Variants in BAZ2B observed in about 807,000 individuals in gnomAD.
The protein encoded by BAZ2B is bromodomain adjacent to zinc finger domain 2B.
Under a neutral mutation model 246.0 loss-of-function variants are expected in BAZ2B, and 91 were observed. The observed-to-expected ratio is 0.37, with a 90% CI of 0.31 to 0.44. The LOEUF is 0.44. Among genes scored for constraint, BAZ2B ranks in the 20% least tolerant of loss-of-function variants. The pLI, the probability that BAZ2B is intolerant of heterozygous loss-of-function variation, is 1.00. For missense variants in BAZ2B, 2,332 were observed against 2,533.7 expected (o/e 0.92, Z 1.71); for synonymous variants, 855 against 860.0 (o/e 0.99, Z 0.10).
intron 19 of BAZ2B, chr2:159,396,961 G>T: frequency 2.6e-6 from 2 of 780,016 alleles, no homozygotes; most frequent in Non-Finnish European, 3.7e-6. Flanking sequence ...AAGCCATGCA[G>T]CAGTATGTAA....
chr2:159,532,402 CAAAT>C (rs1241568402), intron 2 of BAZ2B, among the ~76,000 whole-genome samples: 1 of 152,004 alleles, frequency 6.6e-6, no homozygotes, highest in Non-Finnish European at 1.5e-5. Flanking sequence ...TGTTCTCTAC[CAAAT>C]AAATAAAAAA....
chr2:159,462,952 A>T, intron 3 of BAZ2B: 2 of 1,112,760 alleles, frequency 1.8e-6, no homozygotes, highest in Non-Finnish European at 2.8e-6. Flanking sequence ...GCTTTTTTCT[A>T]TAAGTGATCA....
In BAZ2B at chr2:159,332,598, C is replaced by A. The variant is rs770088268; in HGVS notation, c.5885G>T (p.Arg1962Ile). The change falls in exon 34 of 37, where the codon AGA becomes ATA. Residue 1962 changes from arginine to isoleucine, a missense_variant. By Grantham distance (97) the Arg-to-Ile change is moderately conservative. This residue lies in a region of BAZ2B where 210 missense variants were observed against 232.5 expected (regional missense o/e 0.90). Transcript: ENST00000392783. The stretch of plus-strand genomic sequence containing the variant: ...ATCTGGGATTGTTGTAATCTTGGGT[C>A]TATGGCAGTAGGTATGACAGCCTTT... Reference protein sequence around the residue: ...CDKGCHTYCHRPKITTIPDGD... With the variant: ...CDKGCHTYCHIPKITTIPDGD... The A allele has an allele frequency of 1.5e-5, 24 of 1,613,958 alleles. No individual in the cohort carries two copies. The highest frequency in any genetic ancestry group is 1.6e-4 in the Middle Eastern group (1 of 6,084).
chr2:159,549,713 T>C (rs1284967797), intron 2 of BAZ2B, among the ~76,000 whole-genome samples: 3 of 151,670 alleles, frequency 2.0e-5, no homozygotes, highest in Non-Finnish European at 2.9e-5. Flanking sequence ...AGGCCACAGG[T>C]TGGACAAGCT....
intron 31 of BAZ2B, among the ~76,000 whole-genome samples, chr2:159,342,567 T>G (rs1048314201): frequency 4.6e-5 from 7 of 152,328 alleles, no homozygotes; most frequent in Admixed American, 3.9e-4. Flanking sequence ...ATTACAGGCA[T>G]GAGCCACTGT....
At chr2:159,328,773 T>A (rs2064166394) in intron 34 of BAZ2B, among the ~76,000 whole-genome samples, 1 of 152,286 alleles carries the variant, frequency 6.6e-6, no homozygotes, top group African/African-American at 2.4e-5. Flanking sequence ...TATATTCATA[T>A]AAGTGGCCCT....
rs1576401934 is a variant in BAZ2B at position 159,386,364 on chromosome 2, T to C, written c.3460A>G (p.Thr1154Ala). The C allele has an allele frequency of 1.9e-6, 3 of 1,610,474 alleles. No individual in the cohort carries two copies. Among genetic ancestry groups the C allele is most frequent in the South Asian group, 1.1e-5 (1 of 90,308 alleles). The change falls in exon 22 of 37, where the codon ACA becomes GCA. Residue 1154 changes from threonine to alanine, a missense_variant. Thr to Ala is a moderately conservative substitution (Grantham distance 58). Coordinates refer to ENST00000392783, the MANE Select transcript of BAZ2B (RefSeq NM_013450.4). ...TTGTTTTTTTTTACCTTGTATCCTGTTATTAGACCTGGATCACATACAGCA... is the reference window on the plus strand; with the variant it reads ...TTGTTTTTTTTTACCTTGTATCCTGCTATTAGACCTGGATCACATACAGCA... ...SAAVCDPGLI[T>A]GYKAKTALGE... is the part of the protein sequence containing the mutation.
chr2:159,644,581 T>C, the BAZ2B span, among the ~76,000 whole-genome samples: 2 of 152,346 alleles, frequency 1.3e-5, no homozygotes, highest in East Asian at 1.9e-4. Context: ...TCCTTGAGAA[T>C]AGTGCACATT....
At chr2:159,480,201 T>C (rs555988224) in intron 2 of BAZ2B, among the ~76,000 whole-genome samples, 10 of 152,220 alleles carry the variant, frequency 6.6e-5, no homozygotes, top group African/African-American at 1.7e-4. Context: ...TTATAGCTGG[T>C]AACCTCATTG....
chr2:159,369,059 A>G (rs1444146526), intron 27 of BAZ2B, among the ~76,000 whole-genome samples: 1 of 152,166 alleles, frequency 6.6e-6, no homozygotes. Context: ...AGGAAATAGT[A>G]TATATATTAA....
chr2:159,386,744 C>A, intron 21 of BAZ2B, 137 bp from the exon 22 acceptor site: 2 of 1,017,954 alleles, frequency 2.0e-6, no homozygotes, highest in Non-Finnish European at 2.8e-6. Flanking sequence ...CTTTGGGATG[C>A]TAAATTCTCT....
the BAZ2B span, among the ~76,000 whole-genome samples, chr2:159,672,211 A>G: frequency 2.0e-5 from 3 of 152,242 alleles, no homozygotes; most frequent in East Asian, 3.8e-4. Flanking sequence ...CTTATAATCA[A>G]TTGAGACAAT....
At chr2:159,541,309 C>T (rs923059114) in intron 2 of BAZ2B, among the ~76,000 whole-genome samples, 5 of 151,430 alleles carry the variant, frequency 3.3e-5, no homozygotes, top group South Asian at 2.1e-4. Flanking sequence ...GATGGAGTCT[C>T]GCTCCGTTGC....
the BAZ2B span, among the ~76,000 whole-genome samples, chr2:159,671,196 CT>C: frequency 6.6e-6 from 1 of 152,174 alleles, no homozygotes; most frequent in African/African-American, 2.4e-5. Flanking sequence ...CTGGTCCTCC[CT>C]TACTGCCTAC....
intron 13 of BAZ2B, among the ~76,000 whole-genome samples, chr2:159,413,781 G>A (rs1267952456): frequency 6.6e-6 from 1 of 152,120 alleles, no homozygotes; most frequent in Non-Finnish European, 1.5e-5. Context: ...GAAAATCTGA[G>A]CAATGACTGA....
chr2:159,568,242 A>G (rs1033659677), intron 1 of BAZ2B, among the ~76,000 whole-genome samples: 1 of 152,216 alleles, frequency 6.6e-6, no homozygotes, highest in Non-Finnish European at 1.5e-5. Context: ...TGAACAGCTG[A>G]TGTCCATAGA....
intron 4 of BAZ2B, among the ~76,000 whole-genome samples, chr2:159,449,372 T>C (rs796953385): frequency 6.6e-6 from 1 of 152,122 alleles, no homozygotes; most frequent in African/African-American, 2.4e-5. Context: ...TATTTTTCAT[T>C]GACTGTGACA....
At chr2:159,347,782 T>C in intron 30 of BAZ2B, 136 bp from the exon 31 acceptor site, 1 of 684,514 alleles carries the variant, frequency 1.5e-6, no homozygotes, top group Non-Finnish European at 2.4e-6. Context: ...CTTGTGTATG[T>C]ACAGGCAGCT....
At chr2:159,430,431 T>A (rs550509607) in intron 10 of BAZ2B, among the ~76,000 whole-genome samples, 1 of 152,360 alleles carries the variant, frequency 6.6e-6, no homozygotes, top group African/African-American at 2.4e-5. Flanking sequence ...ATTCATGTTA[T>A]CAGTAAGGCT....
Sources: allele counts gnomAD v4.1 joint callset (sites outside exome capture counted in the v4.1 genomes callset), GRCh38; gene constraint gnomAD v4.1.1; regional missense constraint gnomAD v4.1.1; transcripts MANE v1.5; gene names NCBI Gene and HGNC (gene_info 2026-07-23, HGNC 2026-07-21).